The following RBKS variants were observed in gnomAD, a reference collection of about 807,000 sequenced individuals.
RBKS encodes ribokinase.
RBKS carries 33 observed loss-of-function variants against 33.9 expected under a neutral mutation model. The ratio of observed to expected loss-of-function variants is 0.97; its 90% confidence interval spans 0.74 to 1.30. The LOEUF is 1.30. Ranked by LOEUF, RBKS falls within the 50% of genes most tolerant of loss-of-function variation. The pLI is 0.00. For synonymous variants in RBKS, 125 were observed against 143.0 expected, an observed-to-expected ratio of 0.87 and a Z score of 0.90; for missense variants, 361 against 392.6, an observed-to-expected ratio of 0.92 and a Z score of 0.68.
At chr2:27,846,092 G>A (rs908896209) in intron 4 of RBKS, among the ~76,000 whole-genome samples, 1 of 152,072 alleles carries the variant, frequency 6.6e-6, no homozygotes, top group Non-Finnish European at 1.5e-5. Flanking sequence ...AGCCTCCTGA[G>A]TAGCTGAGAT....
At chr2:27,788,432 G>GC (rs1456167722) in intron 7 of RBKS, among the ~76,000 whole-genome samples, 2 of 152,154 alleles carry the variant, frequency 1.3e-5, no homozygotes, top group Non-Finnish European at 2.9e-5. Context: ...GCAGCCAGGC[G>GC]CGGTGGCTCA....
At chr2:27,788,250 A>T (rs937811820) in intron 7 of RBKS, among the ~76,000 whole-genome samples, 20 of 151,596 alleles carry the variant, frequency 1.3e-4, no homozygotes, top group African/African-American at 4.6e-4. Flanking sequence ...AGGACAGGGG[A>T]AAAAAAAGAA....
chr2:27,832,574 A>G (rs1678439082), intron 6 of RBKS, 112 bp downstream of exon 6: 3 of 750,346 alleles, frequency 4.0e-6, no homozygotes, highest in South Asian at 1.5e-5. Context: ...TGTTTTCACC[A>G]TGCCTGAGAA....
chr2:27,829,045 C>A (rs1268738389), intron 6 of RBKS, among the ~76,000 whole-genome samples: 2 of 152,076 alleles, frequency 1.3e-5, no homozygotes, highest in Non-Finnish European at 2.9e-5. Flanking sequence ...GCATGCACCA[C>A]CACACACAGC....
intron 2 of RBKS, among the ~76,000 whole-genome samples, chr2:27,854,608 A>G (rs895958946): frequency 6.6e-6 from 1 of 152,216 alleles, no homozygotes; most frequent in African/African-American, 2.4e-5. Flanking sequence ...CTTTTTCCAA[A>G]AAGTTCTGAA....
intron 2 of RBKS, among the ~76,000 whole-genome samples, chr2:27,850,729 A>G (rs1321179592): frequency 6.6e-6 from 1 of 152,238 alleles, no homozygotes; most frequent in Non-Finnish European, 1.5e-5. Context: ...TATCTACTAA[A>G]GGATGTCTTC....
Position 27,858,448 on chromosome 2 carries a change from C to A in RBKS, c.213G>T (p.Met71Ile). The stretch of plus-strand genomic sequence containing the variant: ...TATACTTTGTACTTACCTTACACAC[C>A]ATGGACGTCATTGCTCCAAGCCGAG... ...QAARLGAMTS[M>I]VCKVGKDSFG... Residue 71 changes from methionine (M) to isoleucine (I), a missense_variant, in exon 2 of 8, where the codon ATG (methionine) becomes ATT (isoleucine). Physicochemically the swap from Met to Ile is conservative, Grantham distance 10. Transcript: ENST00000302188. The A allele has an allele frequency of 6.2e-7, 1 of 1,613,532 alleles. No homozygotes were observed. The highest frequency in any genetic ancestry group is 1.7e-5 in the Admixed American group (1 of 59,810).
At chr2:27,859,343 T>C (rs1663924931) in intron 1 of RBKS, among the ~76,000 whole-genome samples, 1 of 152,362 alleles carries the variant, frequency 6.6e-6, no homozygotes, top group Non-Finnish European at 1.5e-5. Context: ...TTAATACTTA[T>C]TGTTTCATAG....
At chr2:27,866,016 G>T (rs1223782457) in intron 1 of RBKS, among the ~76,000 whole-genome samples, 1 of 152,014 alleles carries the variant, frequency 6.6e-6, no homozygotes, top group Non-Finnish European at 1.5e-5. Context: ...CATTTCTGGG[G>T]GTCTTCATTC....
chr2:27,783,344 C>A (rs1298443646), intron 7 of RBKS, among the ~76,000 whole-genome samples: 2 of 152,152 alleles, frequency 1.3e-5, no homozygotes, highest in African/African-American at 4.8e-5. Context: ...CCTGCCCTAG[C>A]CCTAGAATTA....
chr2:27,827,564 TA>T lies in RBKS; in HGVS notation c.795+2del. ...AACATGATTCTTAAATTTTAAAACT[TA>T]CCGTGGTATCCACAGCCTTGACTTT... On this transcript the variant is annotated splice_donor_variant, in intron 7 of 7. Coordinates refer to ENST00000302188, the MANE Select transcript of RBKS (RefSeq NM_022128.3). LOFTEE classifies it high-confidence loss of function. 1 of 1,553,428 alleles carries T rather than the reference TA, an allele frequency of 6.4e-7. No homozygotes were observed. Among genetic ancestry groups the T allele is most frequent in the Non-Finnish European group, 8.7e-7 (1 of 1,152,434 alleles).
At chr2:27,862,545 C>T (rs1664012338) in intron 1 of RBKS, among the ~76,000 whole-genome samples, 1 of 152,214 alleles carries the variant, frequency 6.6e-6, no homozygotes, top group Non-Finnish European at 1.5e-5. Flanking sequence ...CAGAGCCTTA[C>T]TGAATGCTGC....
At chr2:27,783,975 C>CTT (rs1161206494) in intron 7 of RBKS, among the ~76,000 whole-genome samples, 593 of 55,332 alleles carry the variant, frequency 0.011, 219 homozygotes, top group Non-Finnish European at 0.017. Context: ...GGGTCATTTT[C>CTT]TTTTTTTTTT....
chr2:27,807,040 C>T (rs1019679535), intron 7 of RBKS, among the ~76,000 whole-genome samples: 2 of 152,288 alleles, frequency 1.3e-5, no homozygotes, highest in Middle Eastern at 3.4e-3. Context: ...CCACCATTGG[C>T]CAAAACCAAT....
At chr2:27,842,449 T>C (rs958758949) in intron 5 of RBKS, among the ~76,000 whole-genome samples, 14 of 152,216 alleles carry the variant, frequency 9.2e-5, no homozygotes, top group East Asian at 1.9e-4. Context: ...TTGTTGTTTA[T>C]TGAAAGATGA....
chr2:27,873,551 T>C (rs1428283215), intron 1 of RBKS, among the ~76,000 whole-genome samples: 2 of 152,180 alleles, frequency 1.3e-5, no homozygotes, highest in Admixed American at 6.5e-5. Flanking sequence ...GAGTATTTGG[T>C]TGAAAATTTA....
intron 1 of RBKS, among the ~76,000 whole-genome samples, chr2:27,859,624 C>T (rs1268086650): frequency 6.6e-6 from 1 of 152,168 alleles, no homozygotes; most frequent in East Asian, 1.9e-4. Flanking sequence ...GCTCAGGTGG[C>T]ACGAACACTG....
At chr2:27,880,256 A>G (rs1174340198) in intron 1 of RBKS, among the ~76,000 whole-genome samples, 2 of 152,332 alleles carry the variant, frequency 1.3e-5, no homozygotes, top group East Asian at 3.9e-4. Context: ...TAAACTAGGT[A>G]TTGAAGGACC....
intron 5 of RBKS, among the ~76,000 whole-genome samples, chr2:27,841,709 T>C (rs188377297): frequency 6.7e-6 from 1 of 148,812 alleles, no homozygotes; most frequent in Admixed American, 6.8e-5. Flanking sequence ...CTACACACTT[T>C]GGGAGAAATC....
Sources: allele counts gnomAD v4.1 joint callset (sites outside exome capture counted in the v4.1 genomes callset), GRCh38; gene constraint gnomAD v4.1.1; transcripts MANE v1.5; gene names NCBI Gene and HGNC (gene_info 2026-07-23, HGNC 2026-07-21).